BCAS3: variants seen among roughly 807,000 people sequenced by gnomAD.
BCAS3 encodes BCAS4/BCAS3 fusion.
Under a neutral mutation model 116.1 loss-of-function variants are expected in BCAS3, and 53 were observed. The ratio of observed to expected loss-of-function variants is 0.46; its 90% CI spans 0.37 to 0.57. BCAS3 has a LOEUF of 0.57. BCAS3 is among the 20% of genes least tolerant of loss of function. BCAS3 has a pLI of 0.00. For synonymous variants in BCAS3, 391 were observed against 408.2 expected, an observed-to-expected ratio of 0.96 and a Z score of 0.51; for missense variants, 917 against 1,165.4, an observed-to-expected ratio of 0.79 and a Z score of 3.10.
At chr17:61,110,923 G>T (rs62082934) in intron 22 of BCAS3, among the ~76,000 whole-genome samples, 1 of 152,150 alleles carries the variant, frequency 6.6e-6, no homozygotes, top group African/African-American at 2.4e-5. Context: ...CTCCTCAAGT[G>T]GGTCCCTGAC....
intron 5 of BCAS3, among the ~76,000 whole-genome samples, chr17:60,710,232 G>T (rs1195617563): frequency 6.6e-6 from 1 of 152,108 alleles, no homozygotes; most frequent in Non-Finnish European, 1.5e-5. Context: ...AGCCCCATGA[G>T]TATGTGTGTA....
At position 60,936,319 on chromosome 17, in the gene BCAS3, A is replaced by T. The variant is rs1319837812; in HGVS notation, c.1088-10900A>T. 2.0e-5 allele frequency among the ~76,000 whole-genome samples: 3 copies of T among 148,380 alleles called. No homozygotes were observed. In the South Asian group the frequency reaches 6.3e-4, roughly 31 times the overall value. On this transcript the variant is annotated intron_variant, in intron 13 of 23. Coordinates refer to ENST00000407086, the MANE Select transcript of BCAS3 (RefSeq NM_017679.5). ...TTGTGAATAGTGCCATAATAAACAT[A>T]CATGTGCATGTGTCTTTATAGCAGC... is the stretch of plus-strand genomic sequence containing the variant.
chr17:60,924,154 G>A (rs2145157845), intron 12 of BCAS3, among the ~76,000 whole-genome samples: 1 of 152,222 alleles, frequency 6.6e-6, no homozygotes, highest in East Asian at 1.9e-4. Flanking sequence ...ACTTGAAGAA[G>A]TAATTGTTTC....
intron 7 of BCAS3, among the ~76,000 whole-genome samples, chr17:60,838,110 G>C (rs1184720578): frequency 1.3e-5 from 2 of 152,134 alleles, no homozygotes; most frequent in Admixed American, 1.3e-4. Context: ...TCACAGAATT[G>C]ATGAATTGTA....
intron 10 of BCAS3, among the ~76,000 whole-genome samples, chr17:60,896,656 T>C (rs1366126984): frequency 1.3e-5 from 2 of 152,152 alleles, no homozygotes; most frequent in Admixed American, 1.3e-4. Flanking sequence ...TGTTCACTTT[T>C]GGTTTCCATT....
intron 22 of BCAS3, among the ~76,000 whole-genome samples, chr17:61,230,420 C>A (rs561119683): frequency 5.9e-5 from 9 of 152,120 alleles, no homozygotes; most frequent in African/African-American, 2.2e-4. Flanking sequence ...GTGAGCATAG[C>A]GCCCAATAGG....
At chr17:60,869,860 A>G (rs1405835043) in intron 8 of BCAS3, among the ~76,000 whole-genome samples, 1 of 152,212 alleles carries the variant, frequency 6.6e-6, no homozygotes, top group East Asian at 1.9e-4. Flanking sequence ...CATACTAAAA[A>G]GTACAGAGAA....
At chr17:60,736,146 C>T (rs1330057574) in intron 5 of BCAS3, among the ~76,000 whole-genome samples, 1 of 152,108 alleles carries the variant, frequency 6.6e-6, no homozygotes, top group Non-Finnish European at 1.5e-5. Context: ...TCAAGTGATC[C>T]TCCTGCCTTT....
At position 61,051,319 on chromosome 17, in the gene BCAS3, A is replaced by G. The variant is rs1568229896; in HGVS notation, c.2029+10427A>G. ...ATGGGGTGGGAGAGAATGTGGCTAT[A>G]TAGAGTTATTACAAGGTTGATCTTT... On this transcript the variant is annotated intron_variant, in intron 19 of 23. Transcript: ENST00000407086. The surrounding 1 kb of genome is among the most constrained non-coding windows in gnomAD (Gnocchi z 4.1). 6.6e-6 allele frequency among the ~76,000 whole-genome samples: 1 copy of G among 151,522 alleles called. No homozygotes were observed. Among genetic ancestry groups the G allele is most frequent in the East Asian group, 1.9e-4 (1 of 5,192 alleles).
At position 61,013,905 on chromosome 17, in the gene BCAS3, T is replaced by C. The variant is rs945350657; in HGVS notation, c.1487-1846T>C. On this transcript the variant is annotated intron_variant, in intron 15 of 23. Transcript: ENST00000407086. This position sits in a 1 kb window ranked among gnomAD's most constrained non-coding sequence, Gnocchi z 4.4. ...TAGAAAGGCACTTTTGACTTTTCAC[T>C]ACCTCTCAGGCTACCATTAGATACT... Among the ~76,000 whole-genome samples, 1 of 152,106 alleles carries C rather than the reference T, an allele frequency of 6.6e-6. No homozygotes were observed. The highest frequency in any genetic ancestry group is 2.4e-5 in the African/African-American group (1 of 41,446).
intron 22 of BCAS3, among the ~76,000 whole-genome samples, chr17:61,321,929 TG>T (rs983985641): frequency 6.0e-5 from 9 of 150,420 alleles, no homozygotes; most frequent in Non-Finnish European, 1.0e-4. Context: ...GTTTTTTGTT[TG>T]TTTGTTTGTT....
At chr17:60,843,022 A>C (rs995532709) in intron 7 of BCAS3, among the ~76,000 whole-genome samples, 3 of 151,658 alleles carry the variant, frequency 2.0e-5, no homozygotes, top group Non-Finnish European at 2.9e-5. Context: ...TAGGTGTACA[A>C]CACCACACCC....
intron 15 of BCAS3, among the ~76,000 whole-genome samples, chr17:60,996,604 C>T (rs890016398): frequency 2.0e-5 from 3 of 152,076 alleles, no homozygotes; most frequent in African/African-American, 7.2e-5. Context: ...TGACCTCCTA[C>T]TGATGGTAAG....
At chr17:61,061,455 T>TA (rs1213322912) in intron 19 of BCAS3, among the ~76,000 whole-genome samples, 1 of 152,230 alleles carries the variant, frequency 6.6e-6, no homozygotes, top group Admixed American at 6.5e-5. Flanking sequence ...AATACTACAT[T>TA]AGAGCCTTTG....
chr17:61,072,561 C>A (rs147601983), intron 19 of BCAS3, among the ~76,000 whole-genome samples: 37 of 151,498 alleles, frequency 2.4e-4, no homozygotes, highest in African/African-American at 8.5e-4. Context: ...TAAAACACAA[C>A]ATAAACTTTT....
At chr17:60,713,606 AAAC>A (rs2038193632) in intron 5 of BCAS3, among the ~76,000 whole-genome samples, 1 of 152,226 alleles carries the variant, frequency 6.6e-6, no homozygotes, top group African/African-American at 2.4e-5. Context: ...ATTATTTCCT[AAAC>A]AATGCAGTAT....
At chr17:61,351,797 A>G (rs1006306542) in intron 22 of BCAS3, among the ~76,000 whole-genome samples, 7 of 152,222 alleles carry the variant, frequency 4.6e-5, no homozygotes, top group African/African-American at 1.2e-4. Context: ...GGCACAAGCA[A>G]CTGCTGCTTG....
At chr17:60,849,156 G>T (rs563764871) in intron 7 of BCAS3, among the ~76,000 whole-genome samples, 1 of 152,274 alleles carries the variant, frequency 6.6e-6, no homozygotes, top group East Asian at 1.9e-4. Context: ...CAGCAAGTAA[G>T]AACTAGGCCA....
intron 22 of BCAS3, among the ~76,000 whole-genome samples, chr17:61,177,549 G>T (rs1399229838): frequency 1.3e-5 from 2 of 152,244 alleles, no homozygotes; most frequent in Middle Eastern, 6.8e-3. Flanking sequence ...ATCCAAATGG[G>T]GCAGGAAGAG....
Sources: allele counts gnomAD v4.1 joint callset (sites outside exome capture counted in the v4.1 genomes callset), GRCh38; gene constraint gnomAD v4.1.1; non-coding constraint Gnocchi (gnomAD v3.1); transcripts MANE v1.5; gene names NCBI Gene and HGNC (gene_info 2026-07-23, HGNC 2026-07-21).